USP48: variants seen among roughly 807,000 people sequenced by gnomAD.
USP48 encodes the protein ubiquitin specific peptidase 48.
Under a neutral mutation model 150.7 loss-of-function variants are expected in USP48, and 43 were observed. The ratio of observed to expected loss-of-function variants is 0.29; its 90% CI spans 0.22 to 0.37. USP48 has a LOEUF of 0.37. Among genes scored for constraint, USP48 ranks in the 10% least tolerant of loss-of-function variants. The pLI is 1.00. For missense variants in USP48, 813 were observed against 1,249.6 expected (o/e 0.65, Z 5.27); for synonymous variants, 396 against 425.9 (o/e 0.93, Z 0.86).
chr1:21,757,877 T>G, intron 1 of USP48, 94 bp from the exon 2 acceptor site: 1 of 1,406,942 alleles, frequency 7.1e-7, no homozygotes, highest in South Asian at 1.5e-5. Context: ...ACTTCTCATC[T>G]ATAAATTAGC....
chr1:21,773,619 T>C (rs1037011237), intron 1 of USP48, among the ~76,000 whole-genome samples: 2 of 152,190 alleles, frequency 1.3e-5, no homozygotes, highest in African/African-American at 4.8e-5. Context: ...TTGTATAAGG[T>C]AATAGGCACA....
intron 1 of USP48, among the ~76,000 whole-genome samples, chr1:21,760,930 C>T (rs1038179512): frequency 2.0e-5 from 3 of 151,798 alleles, no homozygotes; most frequent in Admixed American, 2.0e-4. Context: ...CCTGTCTCTA[C>T]TAAAAATACA....
Position 21,783,000 on chromosome 1 carries a change from C to A in USP48, c.-43G>T. On this transcript the variant is annotated 5_prime_UTR_variant, in exon 1 of 27. Coordinates refer to ENST00000308271, the MANE Select transcript of USP48 (RefSeq NM_032236.8). ...CGCCTCCCGAGCCAGACCGCCGCAG[C>A]CGCCGCCGCGGTCTGCACCGCCGCC... 6.8e-7 allele frequency: 1 copy of A among 1,480,060 alleles called. No homozygotes were observed. The highest frequency in any genetic ancestry group is 1.5e-5 in the African/African-American group (1 of 68,262). 91.7% of individuals were successfully genotyped at this position (1,480,060 alleles called of 1,614,324 possible).
intron 25 of USP48, among the ~76,000 whole-genome samples, chr1:21,684,552 T>G (rs186260679): frequency 6.6e-6 from 1 of 152,368 alleles, no homozygotes; most frequent in East Asian, 1.9e-4. Context: ...TTTAGTTTAA[T>G]ATAGTCCATT....
intron 3 of USP48, among the ~76,000 whole-genome samples, chr1:21,753,823 TAA>T (rs11308463): frequency 4.7e-4 from 41 of 86,644 alleles, no homozygotes; most frequent in African/African-American, 8.8e-4. Flanking sequence ...CGAGACTCTT[TAA>T]AAAAAAAAAA....
rs1216920777 is a variant in USP48 at position 21,687,103 on chromosome 1, A to C, written c.3058+88T>G. The stretch of plus-strand genomic sequence containing the variant: ...AAGCTTTTTTCAAGGTTCAAAGTAA[A>C]AGCACTGTACACTAAAGCTTCAATA... On this transcript the variant is annotated intron_variant, in intron 25 of 26. Coordinates refer to ENST00000308271, the MANE Select transcript of USP48 (RefSeq NM_032236.8). The C allele has an allele frequency of 2.4e-6, 3 of 1,262,534 alleles. No homozygotes were observed. The East Asian group carries it at 7.5e-5, about 31-fold the overall frequency. The allele number at this position is 1,262,534 out of a possible 1,614,324, so 78.2% of individuals were successfully genotyped here. A position where few individuals can be genotyped will look rare whatever the true frequency, so the allele number is the denominator to read the frequency against.
At chr1:21,771,559 T>C (rs1290384624) in intron 1 of USP48, among the ~76,000 whole-genome samples, 1 of 151,836 alleles carries the variant, frequency 6.6e-6, no homozygotes, top group Non-Finnish European at 1.5e-5. Context: ...TTTCAAATAC[T>C]ATAAAATAAT....
In USP48 at chr1:21,701,511, G is replaced by C; in HGVS notation, c.2714C>G (p.Pro905Arg). ...EEAKPDGEKDPDFNQSNGGTK... is the reference protein window; with the variant it reads ...EEAKPDGEKDRDFNQSNGGTK... ...TTCAACACATACTTGATTAAAATCTGGATCTTTTTCTCCATCTGGTTTAGC... is the reference window on the plus strand; with the variant it reads ...TTCAACACATACTTGATTAAAATCTCGATCTTTTTCTCCATCTGGTTTAGC... The change falls in exon 22 of 27, where the codon CCA (proline) becomes CGA (arginine). Residue 905 changes from proline (P) to arginine (R), a missense_variant. Pro to Arg is a moderately radical substitution (Grantham distance 103). Transcript: ENST00000308271. The C allele has an allele frequency of 6.2e-7, 1 of 1,613,766 alleles. No homozygotes were observed. Among genetic ancestry groups the C allele is most frequent in the Non-Finnish European group, 8.5e-7 (1 of 1,179,778 alleles).
rs57704127 is a variant in USP48, at chr1:21,729,281, C to CAAAAAAAAA, written c.1300+414_1300+422dup. Among the ~76,000 whole-genome samples the CAAAAAAAAA allele has an allele frequency of 1.9e-3, 171 of 90,384 alleles. 1 individual carries two copies. Among genetic ancestry groups the CAAAAAAAAA allele is most frequent in the African/African-American group, 5.6e-3 (145 of 26,086 alleles). The allele number at this position is 90,384 out of a possible 152,430, so 59.3% of individuals were successfully genotyped here. On this transcript the variant is annotated intron_variant, in intron 10 of 26. Coordinates refer to ENST00000308271, the MANE Select transcript of USP48 (RefSeq NM_032236.8). ...TGGGCGAAAGAATGAGACTCCGCCT[C>CAAAAAAAAA]AAAAAAAAAAAAAAAAGAAAGAATA...
intron 23 of USP48, among the ~76,000 whole-genome samples, chr1:21,691,053 G>A (rs1343983770): frequency 2.0e-5 from 3 of 152,038 alleles, no homozygotes; most frequent in African/African-American, 4.8e-5. Context: ...AGTGGCTCTC[G>A]CCTGTAATCC....
chr1:21,777,029 C>T (rs555600799), intron 1 of USP48, among the ~76,000 whole-genome samples: 20 of 149,820 alleles, frequency 1.3e-4, no homozygotes, highest in South Asian at 4.2e-4. Flanking sequence ...GCAGGAGAAT[C>T]GCTTGAACAT....
At chr1:21,741,272 C>G (rs2097780918) in intron 8 of USP48, among the ~76,000 whole-genome samples, 1 of 152,132 alleles carries the variant, frequency 6.6e-6, no homozygotes, top group African/African-American at 2.4e-5. Context: ...GATACCAAAA[C>G]CAAAGAAGAG....
At chr1:21,752,856 G>C in intron 4 of USP48, 136 bp downstream of exon 4, 1 of 1,271,794 alleles carries the variant, frequency 7.9e-7, no homozygotes, top group Non-Finnish European at 1.1e-6. Context: ...CTATTGGACA[G>C]TAAATAAAGG....
At chr1:21,733,786 GTTCT>G (rs2097762528) in intron 9 of USP48, among the ~76,000 whole-genome samples, 1 of 151,498 alleles carries the variant, frequency 6.6e-6, no homozygotes, top group African/African-American at 2.4e-5. Flanking sequence ...ACAATTTAAA[GTTCT>G]TTTTTTTTTT....
intron 13 of USP48, 76 bp from the exon 14 acceptor site, chr1:21,721,242 C>A: frequency 1.9e-6 from 3 of 1,556,982 alleles, no homozygotes; most frequent in Non-Finnish European, 2.6e-6. Context: ...CCTGTAAAAA[C>A]AACTAAAGTG....
chr1:21,771,443 T>G (rs2097880298), intron 1 of USP48, among the ~76,000 whole-genome samples: 1 of 148,454 alleles, frequency 6.7e-6, no homozygotes, highest in Non-Finnish European at 1.5e-5. Context: ...TTTATAATTA[T>G]AAATTATAAT....
At chr1:21,756,788 A>T in intron 2 of USP48, 86 bp from the exon 3 acceptor site, 2 of 1,549,650 alleles carry the variant, frequency 1.3e-6, no homozygotes, top group Non-Finnish European at 1.7e-6. Flanking sequence ...TTTTCAGATT[A>T]AAAATGTGTA....
At chr1:21,720,924 C>G (rs1571853336) in intron 14 of USP48, 112 bp downstream of exon 14, 3 of 1,411,060 alleles carry the variant, frequency 2.1e-6, no homozygotes, top group Non-Finnish European at 1.9e-6. Flanking sequence ...GTGATCTGCC[C>G]GTCTGAGCCT....
At chr1:21,717,274 C>T (rs551659200) in intron 14 of USP48, among the ~76,000 whole-genome samples, 3 of 150,720 alleles carry the variant, frequency 2.0e-5, no homozygotes, top group East Asian at 2.0e-4. Context: ...CGTGGTGGCA[C>T]GCACCTGGGG....
Sources: gnomAD v4.1 joint callset for allele counts (sites outside exome capture counted in the v4.1 genomes callset) on GRCh38, gnomAD v4.1.1 for gene constraint, MANE v1.5 for transcripts, NCBI Gene and HGNC (gene_info 2026-07-23, HGNC 2026-07-21) for gene names.